Variants in PIK3C2G observed in about 807,000 individuals in gnomAD.
PIK3C2G encodes phosphatidylinositol 3-kinase C2 domain-containing subunit gamma.
Under a neutral mutation model 181.1 loss-of-function variants are expected in PIK3C2G, and 168 were observed. The observed-to-expected ratio is 0.93, with a 90% CI of 0.82 to 1.05. PIK3C2G has a LOEUF of 1.05. Ranked by LOEUF, PIK3C2G falls within the 50% of genes least tolerant of loss-of-function variation. The pLI is 0.00. For missense variants in PIK3C2G, 1,869 were observed against 1,732.8 expected (o/e 1.08, Z -1.40); for synonymous variants, 573 against 592.2 (o/e 0.97, Z 0.47).
chr12:18,263,081 AAG>A (rs1948318257), intron 1 of PIK3C2G, among the ~76,000 whole-genome samples: 1 of 152,122 alleles, frequency 6.6e-6, no homozygotes, highest in African/African-American at 2.4e-5. Context: ...AAATATTTTC[AAG>A]AGTTTTTCAG....
intron 30 of PIK3C2G, among the ~76,000 whole-genome samples, chr12:18,606,952 T>C (rs375793008): frequency 7.9e-4 from 120 of 152,252 alleles, no homozygotes; most frequent in African/African-American, 2.8e-3. Flanking sequence ...AGGTTACTCT[T>C]GTTATTAAAT....
At chr12:18,271,548 T>A (rs943190294) in intron 1 of PIK3C2G, among the ~76,000 whole-genome samples, 1 of 152,154 alleles carries the variant, frequency 6.6e-6, no homozygotes, top group Non-Finnish European at 1.5e-5. Flanking sequence ...AGCAGCTTGC[T>A]TTTCACTTAT....
At chr12:18,466,839 TA>T (rs1361951459) in intron 18 of PIK3C2G, among the ~76,000 whole-genome samples, 1 of 152,056 alleles carries the variant, frequency 6.6e-6, no homozygotes, top group African/African-American at 2.4e-5. Flanking sequence ...CATCTGTTGC[TA>T]ATAACTAATT....
chr12:18,430,821 T>C (rs1018320114), intron 18 of PIK3C2G, among the ~76,000 whole-genome samples: 2 of 152,182 alleles, frequency 1.3e-5, no homozygotes, highest in African/African-American at 2.4e-5. Flanking sequence ...GCATCTTCTG[T>C]ACCAGTTGAG....
At chr12:18,519,250 T>C (rs560658712) in intron 24 of PIK3C2G, among the ~76,000 whole-genome samples, 1 of 152,346 alleles carries the variant, frequency 6.6e-6, no homozygotes, top group South Asian at 2.1e-4. Context: ...TAGGTCCACT[T>C]GATCCAGAGC....
intron 3 of PIK3C2G, among the ~76,000 whole-genome samples, chr12:18,288,573 C>T (rs1949553924): frequency 6.6e-6 from 1 of 152,094 alleles, no homozygotes; most frequent in African/African-American, 2.4e-5. Context: ...CTTAGGATTC[C>T]TAAATTAGGG....
intron 15 of PIK3C2G, among the ~76,000 whole-genome samples, chr12:18,397,361 G>A (rs1011018981): frequency 1.3e-5 from 2 of 151,854 alleles, no homozygotes; most frequent in Admixed American, 1.3e-4. Context: ...GAAATCTATA[G>A]GCAAGCCACA....
intron 31 of PIK3C2G, among the ~76,000 whole-genome samples, chr12:18,616,786 C>A (rs1312634569): frequency 6.6e-6 from 1 of 151,934 alleles, no homozygotes; most frequent in African/African-American, 2.4e-5. Flanking sequence ...AAGTACATAC[C>A]TAAAGAGAAT....
chr12:18,678,942 C>A, the PIK3C2G span, among the ~76,000 whole-genome samples: 1 of 152,038 alleles, frequency 6.6e-6, no homozygotes, highest in African/African-American at 2.4e-5. Context: ...GATTGTCCCA[C>A]TTTACATTCC....
intron 18 of PIK3C2G, among the ~76,000 whole-genome samples, chr12:18,430,471 CT>C (rs1362907697): frequency 6.6e-6 from 1 of 152,166 alleles, no homozygotes; most frequent in Non-Finnish European, 1.5e-5. Context: ...ATGTAAGGAT[CT>C]TTTTTCTGCT....
At chr12:18,389,418 A>G (rs949459756) in intron 14 of PIK3C2G, among the ~76,000 whole-genome samples, 10 of 152,028 alleles carry the variant, frequency 6.6e-5, no homozygotes, top group Non-Finnish European at 1.5e-4. Context: ...AGAAGGAGAA[A>G]GAACAGAGCT....
chr12:18,589,835 G>C (rs1316376661), intron 29 of PIK3C2G, among the ~76,000 whole-genome samples: 2 of 151,896 alleles, frequency 1.3e-5, no homozygotes, highest in Non-Finnish European at 2.9e-5. Context: ...AAAACAAACA[G>C]GATTGTAATG....
intron 18 of PIK3C2G, among the ~76,000 whole-genome samples, chr12:18,447,688 T>C (rs1018774356): frequency 2.6e-5 from 4 of 152,168 alleles, no homozygotes; most frequent in African/African-American, 4.8e-5. Flanking sequence ...AAATATTACC[T>C]GAAAAAAATC....
chr12:18,336,379 G>A (rs1938534528), intron 8 of PIK3C2G, among the ~76,000 whole-genome samples: 1 of 152,098 alleles, frequency 6.6e-6, no homozygotes, highest in South Asian at 2.1e-4. Context: ...ATGTTCTTCT[G>A]AATGAATACT....
chr12:18,403,347 G>A (rs906703183), intron 16 of PIK3C2G, among the ~76,000 whole-genome samples: 9 of 152,010 alleles, frequency 5.9e-5, no homozygotes, highest in African/African-American at 2.2e-4. Context: ...TGCAAATGTT[G>A]GAGTATTTCC....
chr12:18,680,750 G>A, the PIK3C2G span, among the ~76,000 whole-genome samples: 2 of 152,158 alleles, frequency 1.3e-5, no homozygotes, highest in East Asian at 3.9e-4. Flanking sequence ...AAGCCATAGG[G>A]CATCTCAGTA....
At chr12:18,530,299 C>T (rs1455921034) in intron 24 of PIK3C2G, among the ~76,000 whole-genome samples, 5 of 152,312 alleles carry the variant, frequency 3.3e-5, no homozygotes, top group South Asian at 2.1e-4. Context: ...TCCATCTGTG[C>T]TTTGAAGCCA....
intron 1 of PIK3C2G, among the ~76,000 whole-genome samples, chr12:18,263,289 T>C (rs1165617437): frequency 1.3e-5 from 2 of 152,132 alleles, no homozygotes; most frequent in Non-Finnish European, 2.9e-5. Context: ...TTTGACTACA[T>C]TGGGGACAGA....
chr12:18,505,316 T>G lies in PIK3C2G; in HGVS notation c.3178T>G (p.Cys1060Gly). ...GGCCTTGAGGAACTTTTTCTACTCC[T>G]GTGCTGGCTGGTGTGTGGTAACATT... ...EKALRNFFYS[C>G]AGWCVVTFIL... Residue 1060 changes from cysteine (C) to glycine (G), a missense_variant, in exon 24 of 33, where the codon TGT becomes GGT. By Grantham distance (159) the Cys-to-Gly change is radical. Coordinates refer to ENST00000538779, the MANE Select transcript of PIK3C2G (RefSeq NM_001288772.2). The G allele has an allele frequency of 6.2e-7, 1 of 1,607,908 alleles. No individual in the cohort carries two copies. The highest frequency in any genetic ancestry group is 2.2e-5 in the East Asian group (1 of 44,736).
Sources: gnomAD v4.1 joint callset for allele counts (sites outside exome capture counted in the v4.1 genomes callset) on GRCh38, gnomAD v4.1.1 for gene constraint, MANE v1.5 for transcripts, NCBI Gene and HGNC (gene_info 2026-07-23, HGNC 2026-07-21) for gene names.